Variants in ZNF615 observed in about 807,000 individuals in gnomAD.
The protein encoded by ZNF615 is zinc finger protein 615.
A neutral mutation model predicts 15.3 loss-of-function variants in ZNF615; 15 were observed. The ratio of observed to expected loss-of-function variants is 0.98; its 90% CI spans 0.66 to 1.51. The LOEUF is 1.51. Among genes scored for constraint, ZNF615 ranks in the 40% most tolerant of loss-of-function variants. The probability of loss-of-function intolerance (pLI) is 0.00; values close to 1 mark genes in which losing one functional copy is unlikely to be tolerated. For synonymous variants in ZNF615, 268 were observed against 294.6 expected (o/e 0.91, Z 0.92); for missense variants, 848 against 895.9 (o/e 0.95, Z 0.68).
Position 51,992,795 on chromosome 19 carries a change from A to C in ZNF615, c.*85T>G, listed in dbSNP as rs1599974960. On this transcript the variant is annotated 3_prime_UTR_variant, in exon 7 of 7. Coordinates refer to ENST00000598071, the MANE Select transcript of ZNF615 (RefSeq NM_001199324.2). ...TGAAGTAACTGATCACTAAATAAAC[A>C]ACCATGTAGTCTGCATTCATGAAAT... is the stretch of plus-strand genomic sequence containing the variant. The C allele has an allele frequency of 2.1e-6, 3 of 1,420,972 alleles. No homozygotes were observed. The East Asian group carries it at 6.9e-5, about 33-fold the overall frequency. The allele number at this position is 1,420,972 out of a possible 1,614,324, so 88.0% of individuals were successfully genotyped here.
chr19:51,994,599 A>G lies in ZNF615; in HGVS notation c.510T>C (p.Asn170=), dbSNP rs771776949. The G allele has an allele frequency of 4.3e-6, 7 of 1,613,820 alleles. No homozygotes were observed. The highest frequency in any genetic ancestry group is 4.5e-5 in the East Asian group (2 of 44,882). Reference sequence around the variant, plus strand: ...CATGAAAAAGGGATTTCCCATCTCTATTAAACTCAGCAGAGTTCTTTAGGC... The same window carrying G: ...CATGAAAAAGGGATTTCCCATCTCTGTTAAACTCAGCAGAGTTCTTTAGGC... The part of the protein sequence containing the change: ...SSGLKNSAEF[N]RDGKSLFHAN... The change falls in exon 7 of 7, where the codon AAT becomes AAC. Residue 170 remains asparagine, a synonymous_variant. Coordinates refer to ENST00000598071, the MANE Select transcript of ZNF615 (RefSeq NM_001199324.2).
chr19:51,996,406 A>C (rs921600979), intron 6 of ZNF615, among the ~76,000 whole-genome samples: 1 of 151,042 alleles, frequency 6.6e-6, no homozygotes, highest in Non-Finnish European at 1.5e-5. Context: ...AAAAAAAAAA[A>C]AACGCAAAAC....
chr19:51,996,394 A>AAC (rs1272742815), intron 6 of ZNF615, among the ~76,000 whole-genome samples: 8 of 149,284 alleles, frequency 5.4e-5, no homozygotes, highest in Non-Finnish European at 3.0e-5. Context: ...TCAAAAAAAA[A>AAC]AAAAAAAAAA....
In ZNF615 at chr19:51,994,628, A is replaced by G; in HGVS notation, c.481T>C (p.Ser161Pro). 6.2e-7 allele frequency: 1 copy of G among 1,613,232 alleles called. No homozygotes were observed. The change falls in exon 7 of 7, where the codon TCT (serine) becomes CCT (proline). Residue 161 changes from serine (S) to proline (P), a missense_variant. Transcript: ENST00000598071. ...AACTCAGCAGAGTTCTTTAGGCCAG[A>G]GCTCCTTTTCTGGTTTTCAAAACTT... ...NLSFENQKRS[S>P]GLKNSAEFNR...
At position 51,994,043 on chromosome 19, in the gene ZNF615, T is replaced by C. The variant is rs760508768; in HGVS notation, c.1066A>G (p.Ile356Val). Reference sequence around the variant, plus strand: ...AAGCCTTTTCCACATTCACTACATATATAAGGTTTTTCTCCTGTATGAGTT... The same window carrying C: ...AAGCCTTTTCCACATTCACTACATACATAAGGTTTTTCTCCTGTATGAGTT... ...QKTHTGEKPY[I>V]CSECGKGFIE... The change falls in exon 7 of 7, where the codon ATA becomes GTA. Residue 356 changes from isoleucine to valine, a missense_variant. Ile to Val is a conservative substitution (Grantham distance 29). Transcript: ENST00000598071. 32 of 1,614,042 alleles carry C rather than the reference T, an allele frequency of 2.0e-5. No homozygotes were observed. Among genetic ancestry groups the C allele is most frequent in the South Asian group, 6.6e-5 (6 of 91,076 alleles).
Position 51,993,750 on chromosome 19 carries a change from TG to T in ZNF615, c.1358del (p.Pro453HisfsTer26). On this transcript the variant is annotated frameshift_variant, in exon 7 of 7. Coordinates refer to ENST00000598071, the MANE Select transcript of ZNF615 (RefSeq NM_001199324.2). LOFTEE classifies it low-confidence loss of function (END_TRUNC). ...TATGTGTTCGCTGATGTCTGATGAG[TG>T]GGCTCTTCAAAGCGAAGCCCTTTCC... ...ECGKGFALKS[P>X]LIRHQRTHTG... The T allele has an allele frequency of 4.3e-6, 7 of 1,611,844 alleles. No individual in the cohort carries two copies. Among genetic ancestry groups the T allele is most frequent in the Non-Finnish European group, 5.9e-6 (7 of 1,179,282 alleles).
chr19:51,996,823 A>AAAAC (rs1464791098), intron 6 of ZNF615, among the ~76,000 whole-genome samples: 1 of 152,232 alleles, frequency 6.6e-6, no homozygotes, highest in Non-Finnish European at 1.5e-5. Context: ...CCAGGTGTAC[A>AAAAC]AAACAAACAT....
intron 3 of ZNF615, among the ~76,000 whole-genome samples, chr19:52,003,073 C>T (rs375017917): frequency 6.6e-6 from 1 of 151,978 alleles, no homozygotes; most frequent in African/African-American, 2.4e-5. Flanking sequence ...GTGATCCACC[C>T]GCCTTGGCCT....
intron 6 of ZNF615, among the ~76,000 whole-genome samples, chr19:51,999,315 C>T (rs946396521): frequency 6.6e-6 from 1 of 152,172 alleles, no homozygotes; most frequent in Admixed American, 6.5e-5. Flanking sequence ...AGTGCAGTAC[C>T]TACCAAAATC....
chr19:52,003,647 TA>T (rs766797907), intron 3 of ZNF615, 49 bp downstream of exon 3: 1 of 1,551,344 alleles, frequency 6.4e-7, no homozygotes, highest in Admixed American at 1.8e-5. Context: ...TACAGGACTT[TA>T]AAAATACATT....
In ZNF615 at chr19:51,993,015, T is replaced by G. The variant is rs554497676; in HGVS notation, c.2094A>C (p.Lys698Asn). 1 of 1,614,224 alleles carries G rather than the reference T, an allele frequency of 6.2e-7. No individual in the cohort carries two copies. Among genetic ancestry groups the G allele is most frequent in the East Asian group, 2.2e-5 (1 of 44,888 alleles). The part of the protein sequence containing the change: ...EKPYKCSDCG[K>N]AFTTKSGLNV... The stretch of plus-strand genomic sequence containing the variant: ...TGAGCCCTGATTTTGTAGTGAAGGC[T>G]TTCCCGCAGTCACTGCATTTGTACG... The change falls in exon 7 of 7, where the codon AAA becomes AAC. Residue 698 changes from lysine to asparagine, a missense_variant. By Grantham distance (94) the Lys-to-Asn change is moderately conservative. Transcript: ENST00000598071.
intron 5 of ZNF615, 105 bp downstream of exon 5, chr19:52,001,708 G>A (rs2086598735): frequency 2.5e-6 from 2 of 805,894 alleles, no homozygotes; most frequent in African/African-American, 3.4e-5. Context: ...GAGTGATGGA[G>A]GGGCTGTTGC....
chr19:51,993,517 C>G lies in ZNF615; in HGVS notation c.1592G>C (p.Gly531Ala), dbSNP rs1391822049. 6 of 1,613,702 alleles carry G rather than the reference C, an allele frequency of 3.7e-6. No homozygotes were observed. In the East Asian group the frequency reaches 6.7e-5, roughly 18 times the overall value. Residue 531 changes from glycine to alanine, a missense_variant, in exon 7 of 7, where the codon GGC (glycine) becomes GCC (alanine). Transcript: ENST00000598071. ...CATTAGCCGGATCTTTGCTGGAAAG[C>G]CTTTTCCACACTCACCACATACATA... ...KPYVCGECGKGFPAKIRLMGH... is the reference protein window; with the variant it reads ...KPYVCGECGKAFPAKIRLMGH...
In ZNF615 at chr19:52,007,318, T is replaced by C. The variant is rs772528325; in HGVS notation, c.-215A>G. The C allele has an allele frequency of 1.3e-4, 168 of 1,288,858 alleles. No homozygotes were observed. Among genetic ancestry groups the C allele is most frequent in the Non-Finnish European group, 1.7e-4 (165 of 988,488 alleles). 79.8% of individuals were successfully genotyped at this position (1,288,858 alleles called of 1,614,324 possible). ...CATGGCAGAGATGTTATCTTACTTG[T>C]GTCAGAAAGAACCTGAAAAGAAATA... On this transcript the variant is annotated 5_prime_UTR_variant, in exon 2 of 7. Coordinates refer to ENST00000598071, the MANE Select transcript of ZNF615 (RefSeq NM_001199324.2).
Position 51,993,709 on chromosome 19 carries a change from T to C in ZNF615, c.1400A>G (p.Tyr467Cys). 2 of 1,614,070 alleles carry C rather than the reference T, an allele frequency of 1.2e-6. No individual in the cohort carries two copies. Among genetic ancestry groups the C allele is most frequent in the African/African-American group, 1.3e-5 (1 of 75,014 alleles). ...HQRTHTGEKPYVCTECRKGFT... is the reference protein window; with the variant it reads ...HQRTHTGEKPCVCTECRKGFT... ...ACCTTTTCGACATTCGGTGCATACA[T>C]AGGGTTTCTCTCCAGTATGTGTTCG... Residue 467 changes from tyrosine (Y) to cysteine (C), a missense_variant, in exon 7 of 7, where the codon TAT (tyrosine) becomes TGT (cysteine). Tyr to Cys is a radical substitution (Grantham distance 194). Transcript: ENST00000598071.
intron 2 of ZNF615, among the ~76,000 whole-genome samples, chr19:52,005,235 G>T (rs1363051916): frequency 1.3e-5 from 2 of 151,824 alleles, no homozygotes; most frequent in African/African-American, 4.9e-5. Flanking sequence ...CTCCAGCCTG[G>T]GTGACAGAGT....
At position 52,003,709 on chromosome 19, in the gene ZNF615, CATT is replaced by C. The variant is rs755362711; in HGVS notation, c.-1_2del. The C allele has an allele frequency of 1.8e-5, 29 of 1,612,540 alleles. No individual in the cohort carries two copies. Among genetic ancestry groups the C allele is most frequent in the Non-Finnish European group, 2.4e-5 (28 of 1,179,174 alleles). ...AACCAAAAGTCACCTGGGCCTGCAT[CATT>C]GTCTCCTAAATTTGGGAAATGACTG... On this transcript the variant is annotated start_lost and 5_prime_UTR_variant, in exon 3 of 7. Transcript: ENST00000598071.
intron 6 of ZNF615, among the ~76,000 whole-genome samples, chr19:51,996,398 A>AAAAAAAAAAC (rs2086434934): frequency 6.7e-6 from 1 of 150,048 alleles, no homozygotes; most frequent in African/African-American, 2.5e-5. Flanking sequence ...AAAAAAAAAA[A>AAAAAAAAAAC]AAAAAAAAAA....
chr19:52,003,556 A>G, intron 3 of ZNF615, 141 bp downstream of exon 3: 2 of 728,458 alleles, frequency 2.7e-6, no homozygotes, highest in South Asian at 2.1e-5. Flanking sequence ...TGAATAATAT[A>G]TCCCTGATCC....
Sources: gnomAD v4.1 joint callset for allele counts (sites outside exome capture counted in the v4.1 genomes callset) on GRCh38, gnomAD v4.1.1 for gene constraint, MANE v1.5 for transcripts, NCBI Gene and HGNC (gene_info 2026-07-23, HGNC 2026-07-21) for gene names.